The following IGSF22 variants were observed in gnomAD, a reference collection of about 807,000 sequenced individuals.
IGSF22 encodes the protein immunoglobulin superfamily, member 22.
In IGSF22, 119 loss-of-function variants were observed where a neutral mutation model predicts 127.0. The ratio of observed to expected loss-of-function variants is 0.94; its 90% CI spans 0.81 to 1.09. The LOEUF (loss-of-function observed/expected upper bound fraction) is 1.09, where lower values mean the gene tolerates loss of function less well. Ranked by LOEUF, IGSF22 falls within the 50% of genes least tolerant of loss-of-function variation. The pLI, the probability that IGSF22 is intolerant of heterozygous loss-of-function variation, is 0.00. For missense variants in IGSF22, 1,518 were observed against 1,716.6 expected, an observed-to-expected ratio of 0.88 and a Z score of 2.04; for synonymous variants, 568 against 664.7, an observed-to-expected ratio of 0.85 and a Z score of 2.24.
chr11:18,715,212 T>TG (rs1449324917), intron 11 of IGSF22, among the ~76,000 whole-genome samples: 3 of 151,506 alleles, frequency 2.0e-5, no homozygotes, highest in African/African-American at 7.3e-5. Flanking sequence ...GTCTGGAAGA[T>TG]GGGGGGTGAT....
rs1490156256 is a variant in IGSF22, at chr11:18,714,543, T to C, written c.1613A>G (p.Asn538Ser). 2 of 1,614,238 alleles carry C rather than the reference T, an allele frequency of 1.2e-6. No individual in the cohort carries two copies. Among genetic ancestry groups the C allele is most frequent in the Admixed American group, 1.7e-5 (1 of 60,030 alleles). The change falls in exon 12 of 23, where the codon AAT becomes AGT. Residue 538 changes from asparagine to serine, a missense_variant. Physicochemically the swap from Asn to Ser is conservative, Grantham distance 46 (BLOSUM62 1). This residue lies in a region of IGSF22 where 1,456 missense variants were observed against 1,644.9 expected (regional missense o/e 0.89). Transcript: ENST00000513874. ...CCACACACCCTCCACCTTCTCGTCA[T>C]TCAGCACTACACACAACTCAGCTGG... ...GSPAELCVVL[N>S]DEKVEGVWLK...
At position 18,706,057 on chromosome 11, in the gene IGSF22, C is replaced by T; in HGVS notation, c.3670G>A (p.Val1224Met). 1 of 1,551,208 alleles carries T rather than the reference C, an allele frequency of 6.4e-7. No homozygotes were observed. Among genetic ancestry groups the T allele is most frequent in the Non-Finnish European group, 8.7e-7 (1 of 1,146,948 alleles). The change falls in exon 22 of 23, where the codon GTG (valine) becomes ATG (methionine). Residue 1224 changes from valine to methionine, a missense_variant. Val to Met is a conservative substitution (Grantham distance 21). This residue lies in a region of IGSF22 where 1,456 missense variants were observed against 1,644.9 expected (regional missense o/e 0.89). Coordinates refer to ENST00000513874, the MANE Select transcript of IGSF22 (RefSeq NM_173588.4). The part of the protein sequence containing the change: ...RFVTPLKPHT[V>M]LRGQDCTMTC... ...ATGGTGCAGTCCTGGCCGCGGAGCA[C>T]CGTGTGTGGCTTGAGGGGCGTCACG...
At position 18,724,393 on chromosome 11, in the gene IGSF22, C is replaced by A. The variant is rs1371774014; in HGVS notation, c.-33-124G>T. 6 of 542,202 alleles carry A rather than the reference C, an allele frequency of 1.1e-5. No homozygotes were observed. The Admixed American group carries it at 1.5e-4, about 14-fold the overall frequency. The allele number at this position is 542,202 out of a possible 1,614,324, so 33.6% of individuals were successfully genotyped here. On this transcript the variant is annotated intron_variant, in intron 1 of 22. Transcript: ENST00000513874. ...CACAGGAGAGGGCCAGGAGAGCAGT[C>A]GAGCTCTCTTTTCTTCATTTCCTAG... is the stretch of plus-strand genomic sequence containing the variant.
rs754376507 is a variant in IGSF22 at position 18,707,811 on chromosome 11, G to A, written c.3273C>T (p.Arg1091=). 2.3e-5 allele frequency: 36 copies of A among 1,586,412 alleles called. No individual in the cohort carries two copies. Among genetic ancestry groups the A allele is most frequent in the Middle Eastern group, 1.7e-4 (1 of 5,900 alleles). The change falls in exon 20 of 23, where the codon CGC becomes CGT. Residue 1091 remains arginine, a synonymous_variant. Coordinates refer to ENST00000513874, the MANE Select transcript of IGSF22 (RefSeq NM_173588.4). ...TCTGCCTTCTCTCCATACCTGCCAC[G>A]CGCACATGGATGTCATAGCGTGCTT... The part of the protein sequence containing the change: ...FGEARYDIHV[R]VADFPRPPTN...
chr11:18,708,966 T>C (rs1427028211), intron 18 of IGSF22, among the ~76,000 whole-genome samples: 7 of 152,120 alleles, frequency 4.6e-5, no homozygotes, highest in African/African-American at 1.7e-4. Flanking sequence ...CTGGACCTGC[T>C]CTCCCTCCAC....
In IGSF22 at chr11:18,718,592, G is replaced by A. The variant is rs991556961; in HGVS notation, c.810+23C>T. On this transcript the variant is annotated intron_variant, in intron 8 of 22. Transcript: ENST00000513874. ...GAGAGGAAGAGATATTGCCAAGGTG[G>A]ACCCTGGCTAGGCATCCCCCACCTT... is the stretch of plus-strand genomic sequence containing the variant. The A allele has an allele frequency of 7.5e-6, 10 of 1,341,486 alleles. No individual in the cohort carries two copies. In the African/African-American group the frequency reaches 1.3e-4, roughly 17 times the overall value. The allele number at this position is 1,341,486 out of a possible 1,614,324, so 83.1% of individuals were successfully genotyped here.
intron 17 of IGSF22, 56 bp downstream of exon 17, chr11:18,710,271 C>T: frequency 6.3e-7 from 1 of 1,592,096 alleles, no homozygotes; most frequent in Non-Finnish European, 8.6e-7. Flanking sequence ...AATTCTTTCT[C>T]TACTTTGAAT....
chr11:18,715,529 C>G lies in IGSF22; in HGVS notation c.1434G>C (p.Glu478Asp), dbSNP rs1197837068. Residue 478 changes from glutamate (E) to aspartate (D), a missense_variant, in exon 11 of 23, where the codon GAG (glutamate) becomes GAC (aspartate). Physicochemically the swap from Glu to Asp is conservative, Grantham distance 45. Coordinates refer to ENST00000513874, the MANE Select transcript of IGSF22 (RefSeq NM_173588.4). Reference sequence around the variant, plus strand: ...CGCCACCATCACTGAGCTGTGCATCCTCAATGATCAGCTCTGCTCGCTTGC... The same window carrying G: ...CGCCACCATCACTGAGCTGTGCATCGTCAATGATCAGCTCTGCTCGCTTGC... Reference protein sequence around the residue: ...HEGKRAELIIEDAQLSDGGEY... With the variant: ...HEGKRAELIIDDAQLSDGGEY... 1 of 1,613,886 alleles carries G rather than the reference C, an allele frequency of 6.2e-7. No individual in the cohort carries two copies. Among genetic ancestry groups the G allele is most frequent in the Admixed American group, 1.7e-5 (1 of 60,008 alleles).
In IGSF22 at chr11:18,719,723, T is replaced by G; in HGVS notation, c.689A>C (p.Glu230Ala). ...TCCCTGCAGGGTACTTACCTCCACC[T>G]CTACTTTCTTCTTCATCTCTTTGAG... ...RKLKEMKKKV[E>A]VEAIRILKPL... is the part of the protein sequence containing the mutation. The change falls in exon 7 of 23, where the codon GAG (glutamate) becomes GCG (alanine). Residue 230 changes from glutamate (E) to alanine (A), a missense_variant. Transcript: ENST00000513874. The G allele has an allele frequency of 6.2e-7, 1 of 1,614,098 alleles. No individual in the cohort carries two copies. The highest frequency in any genetic ancestry group is 1.1e-5 in the South Asian group (1 of 91,082).
At chr11:18,715,079 G>C (rs1848436217) in intron 11 of IGSF22, among the ~76,000 whole-genome samples, 1 of 152,064 alleles carries the variant, frequency 6.6e-6, no homozygotes, top group African/African-American at 2.4e-5. Context: ...GCCAGGGTCT[G>C]CGGAAAGTGG....
At chr11:18,721,432 G>C (rs1848569813) in intron 4 of IGSF22, 103 bp downstream of exon 4, 7 of 1,497,896 alleles carry the variant, frequency 4.7e-6, no homozygotes, top group Non-Finnish European at 6.4e-6. Context: ...CCCGGCTCTC[G>C]GGCCGCCGTT....
chr11:18,720,537 GTGAGCTCCCA>G (rs1397212418), intron 4 of IGSF22, among the ~76,000 whole-genome samples: 1 of 152,220 alleles, frequency 6.6e-6, no homozygotes, highest in East Asian at 1.9e-4. Flanking sequence ...CCCCTTGGCT[GTGAGCTCCCA>G]GAAGGCAGGG....
In IGSF22 at chr11:18,719,833, C is replaced by A; in HGVS notation, c.579G>T (p.Glu193Asp). 1 of 1,614,220 alleles carries A rather than the reference C, an allele frequency of 6.2e-7. No individual in the cohort carries two copies. Among genetic ancestry groups the A allele is most frequent in the Non-Finnish European group, 8.5e-7 (1 of 1,180,036 alleles). ...CTTTCTTGGGCACTTTGGACAAAAT[C>A]TCCAGCATCTCTTTCTCATTTGCCA... Reference protein sequence around the residue: ...KKVANEKEMLEILSKVPKKDF... With the variant: ...KKVANEKEMLDILSKVPKKDF... The change falls in exon 7 of 23, where the codon GAG becomes GAT. Residue 193 changes from glutamate to aspartate, a missense_variant. Physicochemically the swap from Glu to Asp is conservative, Grantham distance 45 (BLOSUM62 2). This residue lies in a region of IGSF22 where 1,456 missense variants were observed against 1,644.9 expected (regional missense o/e 0.89). Transcript: ENST00000513874.
chr11:18,707,285 C>T (rs754173614), intron 20 of IGSF22, 72 bp from the exon 21 acceptor site: 140 of 1,341,150 alleles, frequency 1.0e-4, no homozygotes, highest in Non-Finnish European at 1.3e-4. Context: ...CAGCCATCTG[C>T]CAAGTCCGAT....
At chr11:18,714,210 G>T in intron 13 of IGSF22, 62 bp from the exon 14 acceptor site, 1 of 1,592,876 alleles carries the variant, frequency 6.3e-7, no homozygotes. Flanking sequence ...TGGGGCGGGG[G>T]AGAAGCCATG....
intron 15 of IGSF22, among the ~76,000 whole-genome samples, chr11:18,711,639 C>T (rs778803308): frequency 8.5e-5 from 13 of 152,154 alleles, no homozygotes; most frequent in Non-Finnish European, 1.9e-4. Flanking sequence ...CTCAGGTGAT[C>T]CTCCCACCTC....
chr11:18,710,580 T>C (rs1162420478), intron 16 of IGSF22, 75 bp downstream of exon 16: 5 of 1,581,638 alleles, frequency 3.2e-6, no homozygotes. Context: ...GATGAGGGAC[T>C]GTGTCAGTAG....
At position 18,720,169 on chromosome 11, in the gene IGSF22, G is replaced by A; in HGVS notation, c.478+17C>T. ...TGGTCCCTAAGAAGAAAGGCCAAGA[G>A]GAAGGGGCCAACTCACCTTCTGTTA... On this transcript the variant is annotated intron_variant, in intron 5 of 22. Transcript: ENST00000513874. The A allele has an allele frequency of 6.2e-7, 1 of 1,613,772 alleles. No homozygotes were observed. The highest frequency in any genetic ancestry group is 8.5e-7 in the Non-Finnish European group (1 of 1,179,620).
At chr11:18,715,753 CACG>C (rs1848452688) in intron 10 of IGSF22, 37 bp from the exon 11 acceptor site, 3 of 1,578,060 alleles carry the variant, frequency 1.9e-6, no homozygotes, top group South Asian at 1.1e-5. Context: ...GCTCCCAAAC[CACG>C]ACATCTTTTT....
Sources: allele counts gnomAD v4.1 joint callset (sites outside exome capture counted in the v4.1 genomes callset), GRCh38; gene constraint gnomAD v4.1.1; regional missense constraint gnomAD v4.1.1; transcripts MANE v1.5; gene names NCBI Gene and HGNC (gene_info 2026-07-23, HGNC 2026-07-21).